Variants in FAM53A observed in about 807,000 individuals in gnomAD.
The protein encoded by FAM53A is protein FAM53A.
In FAM53A, 28 loss-of-function variants were observed where a neutral mutation model predicts 26.6. That is an observed-to-expected ratio of 1.05 (90% CI 0.78 to 1.45). FAM53A has a LOEUF of 1.45. Ranked by LOEUF, FAM53A falls within the 40% of genes most tolerant of loss-of-function variation. FAM53A has a pLI of 0.00. For missense variants in FAM53A, 650 were observed against 575.8 expected (o/e 1.13, Z -1.32); for synonymous variants, 290 against 253.1 (o/e 1.15, Z -1.38).
At chr4:1,580,592 C>G in the FAM53A span, among the ~76,000 whole-genome samples, 5 of 140,808 alleles carry the variant, frequency 3.6e-5, 1 homozygote, top group Middle Eastern at 0.011. Context: ...CTACCTCGGG[C>G]CCCACCTCCC....
chr4:1,668,632 G>T, intron 2 of FAM53A, 35 bp downstream of exon 2: 8 of 1,609,948 alleles, frequency 5.0e-6, no homozygotes, highest in Non-Finnish European at 5.9e-6. Flanking sequence ...CACGGGGGAG[G>T]GGCACCCAGC....
intron 1 of FAM53A, among the ~76,000 whole-genome samples, chr4:1,669,913 C>A (rs532853578): frequency 1.3e-5 from 2 of 152,220 alleles, no homozygotes; most frequent in African/African-American, 4.8e-5. Flanking sequence ...AGCTGCCGCC[C>A]GGCTTCAGTT....
At chr4:1,683,741 C>A (rs1715617150) in intron 1 of FAM53A, 1 of 152,250 alleles carries the variant, frequency 6.6e-6, no homozygotes, top group Non-Finnish European at 1.5e-5. Flanking sequence ...TCCGCGACTG[C>A]GCTCAGATTA....
At chr4:1,625,317 C>G (rs1715240160) in intron 1 of FAM53A, among the ~76,000 whole-genome samples, 1 of 41,232 alleles carries the variant, frequency 2.4e-5, no homozygotes, top group Non-Finnish European at 4.2e-5. Context: ...CGTCCCGGCC[C>G]ACGTGGTCAG....
At chr4:1,650,266 G>A (rs535723134) in intron 4 of FAM53A, among the ~76,000 whole-genome samples, 3 of 140,996 alleles carry the variant, frequency 2.1e-5, no homozygotes, top group East Asian at 4.5e-4. Flanking sequence ...TGGCAAAGGC[G>A]TGGCGTTTGA....
intron 1 of FAM53A, among the ~76,000 whole-genome samples, chr4:1,618,720 C>T (rs1432560636): frequency 1.3e-5 from 2 of 152,174 alleles, no homozygotes; most frequent in East Asian, 3.8e-4. Flanking sequence ...GCCAGGAAAA[C>T]GTGGCTGGAG....
chr4:1,669,014 C>T (rs1232959353), intron 1 of FAM53A, 109 bp from the exon 2 acceptor site: 1 of 382,450 alleles, frequency 2.6e-6, no homozygotes, highest in Non-Finnish European at 4.7e-6. Context: ...TGATATCCCA[C>T]CTCACAAACA....
chr4:1,645,357 C>T (rs778807233), intron 4 of FAM53A, among the ~76,000 whole-genome samples: 3 of 152,218 alleles, frequency 2.0e-5, no homozygotes, highest in African/African-American at 7.2e-5. Flanking sequence ...CTCTGGTGAG[C>T]GCCCTCCCAA....
At position 1,631,205 on chromosome 4, in the gene FAM53A, G is replaced by A. The variant is rs1432124692; in HGVS notation, c.432-13094C>T. Among the ~76,000 whole-genome samples, 12 of 152,352 alleles carry A rather than the reference G, an allele frequency of 7.9e-5. No individual in the cohort carries two copies. In the South Asian group the frequency reaches 8.3e-4, roughly 11 times the overall value. ...GGCATACGACTTGGAGCGGGGCTGAGGCAGGCGGAGACCCTGCTTGGGGCT... is the reference window on the plus strand; with the variant it reads ...GGCATACGACTTGGAGCGGGGCTGAAGCAGGCGGAGACCCTGCTTGGGGCT... On this transcript the variant is annotated intron_variant, in intron 1 of 1. Transcript: ENST00000489029.
chr4:1,633,917 A>G (rs1444425050), intron 1 of FAM53A, among the ~76,000 whole-genome samples: 1 of 152,218 alleles, frequency 6.6e-6, no homozygotes, highest in Non-Finnish European at 1.5e-5. Context: ...GTCTGGCTAC[A>G]GGACCTCACT....
At position 1,655,556 on chromosome 4, in the gene FAM53A, T is replaced by C. The variant is rs754777112; in HGVS notation, c.304A>G (p.Thr102Ala). 10 of 1,574,988 alleles carry C rather than the reference T, an allele frequency of 6.3e-6. No homozygotes were observed. The highest frequency in any genetic ancestry group is 6.0e-6 in the Non-Finnish European group (7 of 1,160,084). Residue 102 changes from threonine (T) to alanine (A), a missense_variant, in exon 4 of 5, where the codon ACC becomes GCC. By Grantham distance (58) the Thr-to-Ala change is moderately conservative. Transcript: ENST00000308132. ...RPGAGLGAAS[T>A]VDPSESTGSS... ...CCTGTGCTTTCACTGGGGTCCACGG[T>C]GCTGGCTGCACCCAGGCCTGCGCCT... is the stretch of plus-strand genomic sequence containing the variant.
At chr4:1,613,156 G>T (rs943861926), downstream of FAM53A, among the ~76,000 whole-genome samples, 4 of 152,196 alleles carry the variant, frequency 2.6e-5, no homozygotes, top group African/African-American at 9.6e-5. Flanking sequence ...ACAAGGCATG[G>T]CCAACTCTTG....
At chr4:1,593,045 G>C in the FAM53A span, among the ~76,000 whole-genome samples, 2 of 152,024 alleles carry the variant, frequency 1.3e-5, no homozygotes, top group African/African-American at 4.8e-5. Context: ...CCAGGGCCGA[G>C]GGCCCATGCG....
Position 1,655,569 on chromosome 4 carries a change from C to T in FAM53A, c.291G>A (p.Leu97=). The change falls in exon 4 of 5, where the codon CTG becomes CTA. Residue 97 remains leucine (L), a synonymous_variant. Transcript: ENST00000308132. The stretch of plus-strand genomic sequence containing the variant: ...TGGGGTCCACGGTGCTGGCTGCACC[C>T]AGGCCTGCGCCTGGGCGCGGGGACT... The part of the protein sequence containing the change: ...QPQSPRPGAG[L]GAASTVDPSE... The T allele has an allele frequency of 6.3e-7, 1 of 1,578,664 alleles. No individual in the cohort carries two copies. Among genetic ancestry groups the T allele is most frequent in the Non-Finnish European group, 8.6e-7 (1 of 1,161,708 alleles).
At chr4:1,615,740 C>T (rs997831083), downstream of FAM53A, among the ~76,000 whole-genome samples, 10 of 152,270 alleles carry the variant, frequency 6.6e-5, no homozygotes, top group African/African-American at 2.4e-4. Flanking sequence ...AAAAGCACCA[C>T]AAGTACTGAT....
intron 1 of FAM53A, among the ~76,000 whole-genome samples, chr4:1,679,736 C>T (rs1237961005): frequency 1.4e-5 from 2 of 147,156 alleles, no homozygotes; most frequent in Non-Finnish European, 3.0e-5. Flanking sequence ...AAAATTGGGG[C>T]AAAGACTTTC....
chr4:1,610,143 C>T, the FAM53A span, among the ~76,000 whole-genome samples: 5 of 151,944 alleles, frequency 3.3e-5, no homozygotes, highest in East Asian at 9.7e-4. Flanking sequence ...GATGCTGAGC[C>T]CCCTGCCAGC....
At chr4:1,631,238 A>T (rs1715597971) in intron 1 of FAM53A, among the ~76,000 whole-genome samples, 1 of 152,196 alleles carries the variant, frequency 6.6e-6, no homozygotes, top group Non-Finnish European at 1.5e-5. Context: ...GCTTCCCAGC[A>T]GCCTTTTGCC....
At chr4:1,653,028 C>T (rs931604003) in intron 4 of FAM53A, among the ~76,000 whole-genome samples, 1 of 150,884 alleles carries the variant, frequency 6.6e-6, no homozygotes, top group African/African-American at 2.5e-5. Flanking sequence ...ACACACACTA[C>T]ACACACACAA....
Sources: allele counts gnomAD v4.1 joint callset (sites outside exome capture counted in the v4.1 genomes callset), GRCh38; gene constraint gnomAD v4.1.1; transcripts MANE v1.5; gene names NCBI Gene and HGNC (gene_info 2026-07-23, HGNC 2026-07-21).